The following SCRIB variants were observed in gnomAD, a reference collection of about 807,000 sequenced individuals.
SCRIB encodes the protein scribble planar cell polarity protein.
SCRIB carries 72 observed loss-of-function variants against 170.0 expected under a neutral mutation model. The observed-to-expected ratio is 0.42, with a 90% CI of 0.35 to 0.52. The LOEUF (loss-of-function observed/expected upper bound fraction) is 0.52. Among genes scored for constraint, SCRIB ranks in the 20% least tolerant of loss-of-function variants. The pLI is 0.02. For missense variants in SCRIB, 2,475 were observed against 2,338.5 expected (o/e 1.06, Z -1.20); for synonymous variants, 1,298 against 1,044.3 (o/e 1.24, Z -4.68).
At position 143,792,550 on chromosome 8, in the gene SCRIB, C is replaced by T. The variant is rs368450536; in HGVS notation, c.4263G>A (p.Glu1421=). The change falls in exon 31 of 37, where the codon GAG becomes GAA. Residue 1421 remains glutamate (E), a synonymous_variant. Transcript: ENST00000356994. ...CCTCCTGTTCCTCCTCGCCCAGCGT[C>T]TCCCCGTCCAGGGCGAGCCTCGCTT... The part of the protein sequence containing the change: ...GAEARLALDG[E]TLGEEEQEDE... The T allele has an allele frequency of 1.3e-6, 2 of 1,562,822 alleles. No individual in the cohort carries two copies. The highest frequency in any genetic ancestry group is 1.7e-6 in the Non-Finnish European group (2 of 1,161,674).
chr8:143,793,667 C>T (rs1475788796), intron 28 of SCRIB: 7 of 515,228 alleles, frequency 1.4e-5, no homozygotes, highest in Non-Finnish European at 2.1e-5. Context: ...TGAGCCCCTC[C>T]AGGAACAGCA....
At position 143,795,436 on chromosome 8, in the gene SCRIB, G is replaced by A; in HGVS notation, c.3698C>T (p.Pro1233Leu). ...ACCTCTGACCTTGCCTGGGCCCTCA[G>A]GGCTCAGCTCCCGGTCGATGGAAGA... ...SISSIDRELSPEGPGKEKELP... is the reference protein window; with the variant it reads ...SISSIDRELSLEGPGKEKELP... Residue 1233 changes from proline (P) to leucine (L), a missense_variant, in exon 25 of 37, where the codon CCT (proline) becomes CTT (leucine). Pro to Leu is a moderately conservative substitution (Grantham distance 98). Coordinates refer to ENST00000356994, the MANE Select transcript of SCRIB (RefSeq NM_182706.5). 2 of 1,613,158 alleles carry A rather than the reference G, an allele frequency of 1.2e-6. No homozygotes were observed. The highest frequency in any genetic ancestry group is 2.2e-5 in the East Asian group (1 of 44,858).
At chr8:143,794,048 A>G in intron 27 of SCRIB, 86 bp from the exon 28 acceptor site, 1 of 1,303,966 alleles carries the variant, frequency 7.7e-7, no homozygotes, top group East Asian at 2.5e-5. Context: ...GGGCTTGCCT[A>G]AAAGCCACAG....
rs1554636271 is a variant in SCRIB, at chr8:143,805,313, G to A, written c.2469C>T (p.Val823=). ...CCTCGGGCCGCAGCGGCGTGATGGTGACCGCGTTCTCAGGCTCCACCATGC... is the reference window on the plus strand; with the variant it reads ...CCTCGGGCCGCAGCGGCGTGATGGTAACCGCGTTCTCAGGCTCCACCATGC... ...RERMVEPENA[V]TITPLRPEDD... The change falls in exon 19 of 37, where the codon GTC becomes GTT. Residue 823 remains valine (V), a synonymous_variant. Transcript: ENST00000356994. The A allele has an allele frequency of 6.5e-7, 1 of 1,546,066 alleles. No individual in the cohort carries two copies. The highest frequency in any genetic ancestry group is 1.9e-5 in the Admixed American group (1 of 52,744).
chr8:143,793,123 G>T lies in SCRIB; in HGVS notation c.3910-40C>A, dbSNP rs782296202. The T allele has an allele frequency of 8.3e-6, 10 of 1,206,176 alleles. No homozygotes were observed. The South Asian group carries it at 1.5e-4, about 19-fold the overall frequency. The allele number at this position is 1,206,176 out of a possible 1,614,324, so 74.7% of individuals were successfully genotyped here. A position where few individuals can be genotyped will look rare whatever the true frequency, so the allele number is the denominator to read the frequency against. Reference sequence around the variant, plus strand: ...TCTTGTGAGCTATGCTGGGGCAGCTGTCGGGGCTGCAGCTGTGTGCAACTC... The same window carrying T: ...TCTTGTGAGCTATGCTGGGGCAGCTTTCGGGGCTGCAGCTGTGTGCAACTC... On this transcript the variant is annotated intron_variant, in intron 28 of 36. Coordinates refer to ENST00000356994, the MANE Select transcript of SCRIB (RefSeq NM_182706.5).
chr8:143,811,038 T>G lies in SCRIB; in HGVS notation c.1141A>C (p.Asn381His). Residue 381 changes from asparagine to histidine, a missense_variant, in exon 11 of 37, where the codon AAT becomes CAT. Transcript: ENST00000356994. ...QSLPFALTHLNLKALWLAENQ... is the reference protein window; with the variant it reads ...QSLPFALTHLHLKALWLAENQ... ...TCTGCCAGCCACAGGGCCTTGAGAT[T>G]GAGGTGGGTGAGCGCGAACGGCAGA... 1 of 1,612,296 alleles carries G rather than the reference T, an allele frequency of 6.2e-7. No homozygotes were observed.
In SCRIB at chr8:143,810,677, C is replaced by T. The variant is rs1462180181; in HGVS notation, c.1404+9G>A. ...CAGAGGTTCGCCCCCCAGATCCTCACCCTCATACCCGCTTCTCAGCTGCAG... is the reference window on the plus strand; with the variant it reads ...CAGAGGTTCGCCCCCCAGATCCTCATCCTCATACCCGCTTCTCAGCTGCAG... On this transcript the variant is annotated intron_variant, in intron 12 of 36. Coordinates refer to ENST00000356994, the MANE Select transcript of SCRIB (RefSeq NM_182706.5). 4.4e-6 allele frequency: 7 copies of T among 1,602,376 alleles called. No individual in the cohort carries two copies. The highest frequency in any genetic ancestry group is 1.7e-4 in the Middle Eastern group (1 of 6,030).
At position 143,792,808 on chromosome 8, in the gene SCRIB, C is replaced by T. The variant is rs1814760563; in HGVS notation, c.4077G>A (p.Lys1359=). The T allele has an allele frequency of 6.4e-7, 1 of 1,560,330 alleles. No individual in the cohort carries two copies. The highest frequency in any genetic ancestry group is 8.7e-7 in the Non-Finnish European group (1 of 1,154,750). ...GCACGCGCACCTCCAGCTCAAAGTA[C>T]TTCTGCCGCTCCCGGAAGGACAGCT... ...PEQLSFRERQ[K]YFELEVRVPQ... Residue 1359 remains lysine, a synonymous_variant, in exon 30 of 37, where the codon AAG becomes AAA. Coordinates refer to ENST00000356994, the MANE Select transcript of SCRIB (RefSeq NM_182706.5).
chr8:143,815,399 GCGGCGGCGCT>G lies in SCRIB; in HGVS notation c.-37_-28del. On this transcript the variant is annotated 5_prime_UTR_variant, in exon 1 of 37. Coordinates refer to ENST00000356994, the MANE Select transcript of SCRIB (RefSeq NM_182706.5). ...GTGCGGGTGGGCGGCGCGGGCTCCG[GCGGCGGCGCT>G]CGGCGGGCTCGGGGCCGGGGGGCGG... 7.8e-7 allele frequency: 1 copy of G among 1,277,256 alleles called. No homozygotes were observed. Among genetic ancestry groups the G allele is most frequent in the Non-Finnish European group, 9.9e-7 (1 of 1,006,804 alleles). 79.1% of individuals were successfully genotyped at this position (1,277,256 alleles called of 1,614,324 possible).
intron 27 of SCRIB, chr8:143,794,308 G>A (rs1205634295): frequency 6.2e-6 from 2 of 321,700 alleles, no homozygotes; most frequent in Non-Finnish European, 1.2e-5. Flanking sequence ...CCTACTTGTG[G>A]TGTGCAGCCC....
chr8:143,812,430 A>T (rs746759358), intron 8 of SCRIB, 46 bp from the exon 9 acceptor site: 1 of 1,426,548 alleles, frequency 7.0e-7, no homozygotes, highest in South Asian at 1.1e-5. Flanking sequence ...TGGTCCCCAG[A>T]CGTGCCTTAC....
intron 33 of SCRIB, 28 bp downstream of exon 33, chr8:143,791,963 C>A: frequency 6.9e-7 from 1 of 1,446,156 alleles, no homozygotes. Context: ...GGCAGGCTGA[C>A]CCCCCCGACC....
intron 24 of SCRIB, among the ~76,000 whole-genome samples, chr8:143,803,181 G>A (rs529896151): frequency 1.1e-4 from 17 of 152,262 alleles, no homozygotes; most frequent in Non-Finnish European, 7.4e-5. Flanking sequence ...TGGACAGCTC[G>A]ATGAGCCGGA....
chr8:143,794,628 G>A (rs1814861137), intron 27 of SCRIB, among the ~76,000 whole-genome samples: 1 of 151,900 alleles, frequency 6.6e-6, no homozygotes, highest in Non-Finnish European at 1.5e-5. Flanking sequence ...ACATCCTCCT[G>A]CCTGTCCCCA....
rs370122975 is a variant in SCRIB, at chr8:143,804,634, C to T, written c.2943G>A (p.Val981=). Residue 981 remains valine, a synonymous_variant, in exon 21 of 37, where the codon GTG becomes GTA. Transcript: ENST00000356994. ...TGGGGGCCAGGCTCGGCAACCCAGG[C>T]ACCCCGGGGGTGGCAGTGGTTATGC... ...TTSITTATPG[V]PGLPSLAPSL... The T allele has an allele frequency of 6.2e-4, 953 of 1,529,508 alleles. 12 individuals carry two copies. The highest frequency in any genetic ancestry group is 1.5e-4 in the Non-Finnish European group (166 of 1,138,642). The allele number at this position is 1,529,508 out of a possible 1,614,324, so 94.7% of individuals were successfully genotyped here. A position where few individuals can be genotyped will look rare whatever the true frequency, so the allele number is the denominator to read the frequency against.
Position 143,792,217 on chromosome 8 carries a change from C to A in SCRIB, c.4514+3G>T. On this transcript the variant is annotated splice_donor_region_variant and intron_variant, in intron 32 of 36. Coordinates refer to ENST00000356994, the MANE Select transcript of SCRIB (RefSeq NM_182706.5). Reference sequence around the variant, plus strand: ...GGGGTGGCGACCCCACACAGGGGCTCACCTGGCTGCCCTCCACAGCGCACG... The same window carrying A: ...GGGGTGGCGACCCCACACAGGGGCTAACCTGGCTGCCCTCCACAGCGCACG... The A allele has an allele frequency of 6.4e-7, 1 of 1,558,458 alleles. No individual in the cohort carries two copies.
At position 143,804,748 on chromosome 8, in the gene SCRIB, G is replaced by A; in HGVS notation, c.2829C>T (p.Ala943=). The A allele has an allele frequency of 6.2e-7, 1 of 1,603,716 alleles. No individual in the cohort carries two copies. Among genetic ancestry groups the A allele is most frequent in the Non-Finnish European group, 8.5e-7 (1 of 1,176,194 alleles). ...SLLTAASPTI[A]LLLEREAGGP... is the part of the protein sequence containing the mutation. ...CCCCAGCCTCCCGCTCCAACAGCAGGGCGATGGTGGGGGAGGCAGCGGTCA... is the reference window on the plus strand; with the variant it reads ...CCCCAGCCTCCCGCTCCAACAGCAGAGCGATGGTGGGGGAGGCAGCGGTCA... Residue 943 remains alanine, a synonymous_variant, in exon 21 of 37, where the codon GCC becomes GCT. Coordinates refer to ENST00000356994, the MANE Select transcript of SCRIB (RefSeq NM_182706.5).
rs531139105 is a variant in SCRIB, at chr8:143,792,276, G to A, written c.4458C>T (p.Ser1486=). Residue 1486 remains serine, a synonymous_variant, in exon 32 of 37, where the codon TCC becomes TCT. Transcript: ENST00000356994. ...CCTCCAGGGCCCGGAGCTCGGCAGGGGACAGGGCACGCTCGGGTGCCGGTG... is the reference window on the plus strand; with the variant it reads ...CCTCCAGGGCCCGGAGCTCGGCAGGAGACAGGGCACGCTCGGGTGCCGGTG... ...PEPPAPERAL[S]PAELRALEAE... 3.8e-6 allele frequency: 6 copies of A among 1,570,160 alleles called. No homozygotes were observed. Among genetic ancestry groups the A allele is most frequent in the Non-Finnish European group, 4.3e-6 (5 of 1,165,480 alleles).
chr8:143,815,280 G>A lies in SCRIB; in HGVS notation c.93C>T (p.Ile31=). The change falls in exon 1 of 37, where the codon ATC becomes ATT. Residue 31 remains isoleucine, a synonymous_variant. Transcript: ENST00000356994. The part of the protein sequence containing the change: ...HCSLQAVPEE[I]YRYSRSLEEL... ...CCTCCAGGCTGCGGCTGTAGCGGTA[G>A]ATCTCCTCCGGCACGGCCTGCAGCG... The A allele has an allele frequency of 6.3e-7, 1 of 1,597,432 alleles. No individual in the cohort carries two copies. Among genetic ancestry groups the A allele is most frequent in the Non-Finnish European group, 8.5e-7 (1 of 1,174,912 alleles).
Sources: allele counts gnomAD v4.1 joint callset (sites outside exome capture counted in the v4.1 genomes callset), GRCh38; gene constraint gnomAD v4.1.1; transcripts MANE v1.5; gene names NCBI Gene and HGNC (gene_info 2026-07-23, HGNC 2026-07-21).